GCNT2: variants seen among roughly 807,000 people sequenced by gnomAD.
GCNT2 encodes glucosaminyl (N-acetyl) transferase 2 (I blood group), also known as N-acetyllactosaminide beta-1,6-N-acetylglucosaminyl-transferase.
Under a neutral mutation model 34.2 loss-of-function variants are expected in GCNT2, and 34 were observed. That is an observed-to-expected ratio of 1.00 (90% CI 0.76 to 1.32). The LOEUF is 1.32. Among genes scored for constraint, GCNT2 ranks in the 40% most tolerant of loss-of-function variants. GCNT2 has a pLI of 0.00. For synonymous variants in GCNT2, 212 were observed against 188.0 expected (o/e 1.13, Z -1.04); for missense variants, 584 against 489.4 (o/e 1.19, Z -1.82).
At chr6:10,554,108 G>A (rs1762592891) in intron 3 of GCNT2, among the ~76,000 whole-genome samples, 1 of 152,218 alleles carries the variant, frequency 6.6e-6, no homozygotes, top group South Asian at 2.1e-4. Context: ...GGCAGGCCTG[G>A]AGGGCTGACT....
At chr6:10,579,022 C>A (rs539827589) in intron 3 of GCNT2, among the ~76,000 whole-genome samples, 69 of 152,304 alleles carry the variant, frequency 4.5e-4, no homozygotes, top group Admixed American at 3.5e-3. Context: ...TATAGGAATT[C>A]ACCACACTGC....
Position 10,528,857 on chromosome 6 carries a change from C to T in GCNT2, c.-55C>T. The T allele has an allele frequency of 1.5e-6, 2 of 1,369,712 alleles. No homozygotes were observed. Among genetic ancestry groups the T allele is most frequent in the Non-Finnish European group, 2.1e-6 (2 of 958,866 alleles). The allele number at this position is 1,369,712 out of a possible 1,614,324, so 84.8% of individuals were successfully genotyped here. The stretch of plus-strand genomic sequence containing the variant: ...TGGAGAAAATGTAAGTTAAATATAT[C>T]TACACTCTGATCCTATCTCAAGAGA... On this transcript the variant is annotated 5_prime_UTR_variant, in exon 3 of 5. Transcript: ENST00000495262.
intron 3 of GCNT2, among the ~76,000 whole-genome samples, chr6:10,588,984 GGTT>G (rs1764491823): frequency 6.8e-6 from 1 of 146,790 alleles, no homozygotes; most frequent in Admixed American, 6.8e-5. Context: ...TGTATGGTGT[GGTT>G]GTGTGGTGTG....
intron 3 of GCNT2, among the ~76,000 whole-genome samples, chr6:10,600,646 C>T (rs1450982107): frequency 6.6e-6 from 1 of 152,118 alleles, no homozygotes; most frequent in Non-Finnish European, 1.5e-5. Context: ...GCGTATGTAG[C>T]CATTGAGGGC....
intron 3 of GCNT2, among the ~76,000 whole-genome samples, chr6:10,548,674 TTA>T (rs1762362560): frequency 1.3e-5 from 2 of 152,256 alleles, no homozygotes; most frequent in South Asian, 2.1e-4. Flanking sequence ...TTGTTCAACA[TTA>T]TGTTTGTGAG....
At chr6:10,579,803 G>C (rs539573195) in intron 3 of GCNT2, among the ~76,000 whole-genome samples, 14 of 127,296 alleles carry the variant, frequency 1.1e-4, no homozygotes, top group Non-Finnish European at 1.9e-4. Context: ...GCCACAGAGC[G>C]AGACTCCATC....
intron 3 of GCNT2, among the ~76,000 whole-genome samples, chr6:10,584,938 C>CT (rs1449652911): frequency 2.0e-5 from 3 of 152,058 alleles, no homozygotes; most frequent in Non-Finnish European, 2.9e-5. Context: ...AACACTGACT[C>CT]TTTCATGTAA....
Position 10,549,561 on chromosome 6 carries a change from C to CTTTTTTT in GCNT2, c.925+19726_925+19727insTTTTTTT, listed in dbSNP as rs1425642393. ...ACTTCCTTTCTCTCTCAATCTCTCT[C>CTTTTTTT]TCTTTTTTTTTTTTTTTTTTTTTTT... is the stretch of plus-strand genomic sequence containing the variant. On this transcript the variant is annotated intron_variant, in intron 3 of 4. Coordinates refer to ENST00000495262, the MANE Select transcript of GCNT2 (RefSeq NM_145649.5). Among the ~76,000 whole-genome samples, 57 of 111,300 alleles carry CTTTTTTT rather than the reference C, an allele frequency of 5.1e-4. 1 individual carries two copies. The highest frequency in any genetic ancestry group is 2.3e-3 in the African/African-American group (54 of 23,666). The allele number at this position is 111,300 out of a possible 152,430, so 73.0% of individuals were successfully genotyped here.
At chr6:10,544,585 CAG>C (rs1316345164) in intron 3 of GCNT2, among the ~76,000 whole-genome samples, 1 of 151,552 alleles carries the variant, frequency 6.6e-6, no homozygotes, top group Non-Finnish European at 1.5e-5. Context: ...GCCTGGGTGA[CAG>C]AGCAAGACTC....
rs554469203 is a variant in GCNT2 at position 10,566,700 on chromosome 6, G to A, written c.925+36864G>A. ...TTTCTGTTTACACTTAGCATACCTC[G>A]GGCACATGAGCAGTACTCAAGATGA... On this transcript the variant is annotated intron_variant, in intron 3 of 4. Coordinates refer to ENST00000495262, the MANE Select transcript of GCNT2 (RefSeq NM_145649.5). Among the ~76,000 whole-genome samples the A allele has an allele frequency of 7.2e-5, 11 of 152,310 alleles. No homozygotes were observed. In the East Asian group the frequency reaches 9.6e-4, roughly 13 times the overall value.
rs115882266 is a variant in GCNT2, at chr6:10,589,159, C to T, written c.926-32192C>T. 3.6e-3 allele frequency among the ~76,000 whole-genome samples: 176 copies of T among 48,718 alleles called. 2 individuals are homozygous for T. The South Asian group carries it at 0.038, about 10-fold the overall frequency. The allele number at this position is 48,718 out of a possible 152,430, so 32.0% of individuals were successfully genotyped here. On this transcript the variant is annotated intron_variant, in intron 3 of 4. Coordinates refer to ENST00000495262, the MANE Select transcript of GCNT2 (RefSeq NM_145649.5). ...TGGTTATGTGGTGTGGGTGTGTGTG[C>T]GTGTGGTGTGTGTGTGGTGTATGTG... is the stretch of plus-strand genomic sequence containing the variant.
At chr6:10,620,743 C>T (rs1269548677) in intron 3 of GCNT2, among the ~76,000 whole-genome samples, 2 of 152,034 alleles carry the variant, frequency 1.3e-5, no homozygotes, top group Non-Finnish European at 2.9e-5. Context: ...TTAAATAGAC[C>T]CTTCAATCTC....
intron 3 of GCNT2, chr6:10,586,048 T>C: frequency 6.2e-7 from 1 of 1,613,866 alleles, no homozygotes; most frequent in Non-Finnish European, 8.5e-7. Flanking sequence ...GTCATTTTTG[T>C]GAGATTTTAC....
intron 3 of GCNT2, among the ~76,000 whole-genome samples, chr6:10,551,042 A>C (rs1409922740): frequency 1.3e-5 from 2 of 152,196 alleles, no homozygotes; most frequent in East Asian, 3.9e-4. Flanking sequence ...ATTCAGTGGT[A>C]AGTCTCATCT....
chr6:10,611,417 G>C (rs532999250), intron 3 of GCNT2, among the ~76,000 whole-genome samples: 2 of 149,634 alleles, frequency 1.3e-5, no homozygotes, highest in Non-Finnish European at 3.0e-5. Flanking sequence ...TGAAACCTCC[G>C]CCTCCCGGAT....
At chr6:10,548,307 C>A (rs528747745) in intron 3 of GCNT2, among the ~76,000 whole-genome samples, 1 of 152,196 alleles carries the variant, frequency 6.6e-6, no homozygotes, top group Non-Finnish European at 1.5e-5. Flanking sequence ...TTCTGTGAAG[C>A]AGATCTGGGC....
intron 3 of GCNT2, among the ~76,000 whole-genome samples, chr6:10,534,676 A>G (rs1761677399): frequency 6.6e-6 from 1 of 152,048 alleles, no homozygotes; most frequent in Non-Finnish European, 1.5e-5. Context: ...AAGCTTGGGT[A>G]ACACAGATAC....
intron 3 of GCNT2, among the ~76,000 whole-genome samples, chr6:10,571,864 C>T (rs1422135391): frequency 6.6e-6 from 1 of 152,162 alleles, no homozygotes; most frequent in Non-Finnish European, 1.5e-5. Flanking sequence ...AGATTTTCTG[C>T]ACTATAGACT....
chr6:10,586,363 G>C, intron 3 of GCNT2: 3 of 1,614,112 alleles, frequency 1.9e-6, no homozygotes, highest in East Asian at 2.2e-5. Context: ...AATGTCTACT[G>C]TGTTCACGTG....
Sources: allele counts gnomAD v4.1 joint callset (sites outside exome capture counted in the v4.1 genomes callset), GRCh38; gene constraint gnomAD v4.1.1; transcripts MANE v1.5; gene names NCBI Gene and HGNC (gene_info 2026-07-23, HGNC 2026-07-21).